ADGRL2: variants seen among roughly 807,000 people sequenced by gnomAD.
The protein encoded by ADGRL2 is adhesion G protein-coupled receptor L2.
A neutral mutation model predicts 157.4 loss-of-function variants in ADGRL2; 44 were observed. That is an observed-to-expected ratio of 0.28 (90% CI 0.22 to 0.36). The LOEUF (loss-of-function observed/expected upper bound fraction) is 0.36. ADGRL2 is among the 10% of genes least tolerant of loss of function. The probability of loss-of-function intolerance (pLI) is 1.00; values close to 1 mark genes in which losing one functional copy is unlikely to be tolerated. For synonymous variants in ADGRL2, 585 were observed against 624.7 expected (o/e 0.94, Z 0.95); for missense variants, 1,510 against 1,768.9 (o/e 0.85, Z 2.63).
chr1:81,896,609 C>A (rs1414119831), intron 2 of ADGRL2, among the ~76,000 whole-genome samples: 2 of 151,996 alleles, frequency 1.3e-5, no homozygotes, highest in Non-Finnish European at 2.9e-5. Context: ...CTTTTTGTTT[C>A]TTTTCCTCTT....
At chr1:81,980,370 A>G (rs982597721) in intron 18 of ADGRL2, among the ~76,000 whole-genome samples, 2 of 151,748 alleles carry the variant, frequency 1.3e-5, no homozygotes, top group Non-Finnish European at 3.0e-5. Context: ...CTCTATTACT[A>G]TTGTTAACTT....
rs61443163 is a variant in ADGRL2, at chr1:81,486,459, A to G, written c.-248+41370A>G. On this transcript the variant is annotated intron_variant, in intron 2 of 24. Coordinates refer to the ADGRL2 transcript ENST00000370721. ...TCTTTGTACTAACTACTTTGGGAAA[A>G]AAATATACACATACTGAGATTTTAA... Among the ~76,000 whole-genome samples, 342 of 152,322 alleles carry G rather than the reference A, an allele frequency of 2.2e-3. 1 individual carries two copies. The highest frequency in any genetic ancestry group is 8.0e-3 in the African/African-American group (333 of 41,580).
intron 1 of ADGRL2, among the ~76,000 whole-genome samples, chr1:81,836,530 T>C (rs2092290919): frequency 6.6e-6 from 1 of 152,112 alleles, no homozygotes; most frequent in Non-Finnish European, 1.5e-5. Context: ...TTTTGTACAC[T>C]CTGCAGTTTG....
chr1:81,873,573 G>C (rs1382318920), intron 2 of ADGRL2, among the ~76,000 whole-genome samples: 1 of 152,046 alleles, frequency 6.6e-6, no homozygotes, highest in African/African-American at 2.4e-5. Context: ...ACCCAGCTAA[G>C]GTAATCAGAA....
intron 3 of ADGRL2, among the ~76,000 whole-genome samples, chr1:81,661,873 C>T (rs1052610497): frequency 2.0e-5 from 3 of 152,110 alleles, no homozygotes; most frequent in African/African-American, 7.2e-5. Flanking sequence ...TGCTGCACCC[C>T]CATCCCCACT....
At chr1:81,653,096 G>T (rs1217531586) in intron 3 of ADGRL2, among the ~76,000 whole-genome samples, 1 of 152,028 alleles carries the variant, frequency 6.6e-6, no homozygotes, top group Non-Finnish European at 1.5e-5. Flanking sequence ...TGCTTATTCA[G>T]ATACAATGTC....
chr1:81,376,776 A>G (rs2076258238), intron 1 of ADGRL2, among the ~76,000 whole-genome samples: 2 of 152,146 alleles, frequency 1.3e-5, no homozygotes. Flanking sequence ...ATTGAGACAC[A>G]ACCAGATTGA....
chr1:81,426,049 A>G (rs2077209028), intron 1 of ADGRL2, among the ~76,000 whole-genome samples: 1 of 152,204 alleles, frequency 6.6e-6, no homozygotes, highest in Non-Finnish European at 1.5e-5. Flanking sequence ...TTATTTGACC[A>G]AAGTTTCATG....
chr1:81,637,687 G>A (rs1442454284), intron 3 of ADGRL2, among the ~76,000 whole-genome samples: 4 of 152,044 alleles, frequency 2.6e-5, no homozygotes, highest in Non-Finnish European at 5.9e-5. Context: ...CAATTGCGTG[G>A]AATTTTGAAG....
At chr1:81,700,438 A>AT (rs1222333989) in intron 1 of ADGRL2, among the ~76,000 whole-genome samples, 11 of 152,210 alleles carry the variant, frequency 7.2e-5, no homozygotes, top group Non-Finnish European at 1.3e-4. Context: ...AATCTCCCTG[A>AT]TTTTGAATTA....
intron 2 of ADGRL2, among the ~76,000 whole-genome samples, chr1:81,452,980 G>A (rs989084911): frequency 5.3e-5 from 8 of 152,162 alleles, no homozygotes; most frequent in East Asian, 3.9e-4. Flanking sequence ...TTGCCAGCAA[G>A]AGGTCTGTGT....
At chr1:81,552,605 GAA>G (rs35795177) in intron 2 of ADGRL2, among the ~76,000 whole-genome samples, 2,520 of 103,966 alleles carry the variant, frequency 0.024, 16 homozygotes, top group African/African-American at 0.057. Context: ...ACTTTACTTA[GAA>G]AAAAAAAAAA....
At chr1:81,368,601 G>C (rs1319428460) in intron 1 of ADGRL2, among the ~76,000 whole-genome samples, 1 of 152,140 alleles carries the variant, frequency 6.6e-6, no homozygotes, top group East Asian at 1.9e-4. Flanking sequence ...CCACGTATGA[G>C]ATAAAGCCAA....
chr1:81,834,837 A>G (rs2092182056), intron 1 of ADGRL2, among the ~76,000 whole-genome samples: 1 of 152,118 alleles, frequency 6.6e-6, no homozygotes, highest in African/African-American at 2.4e-5. Flanking sequence ...ATTGAATGAT[A>G]TGTATTTTTA....
intron 1 of ADGRL2, among the ~76,000 whole-genome samples, chr1:81,723,480 T>A (rs1231656143): frequency 2.0e-5 from 3 of 152,218 alleles, no homozygotes; most frequent in Non-Finnish European, 4.4e-5. Context: ...TCATTTTGGA[T>A]TTTTTTCCTT....
intron 1 of ADGRL2, among the ~76,000 whole-genome samples, chr1:81,811,941 C>T (rs574178188): frequency 9.3e-5 from 14 of 151,196 alleles, no homozygotes; most frequent in Admixed American, 7.9e-4. Context: ...TTTCTTTTTC[C>T]TTGAAATACA....
At chr1:81,809,632 A>G (rs2089607263) in intron 1 of ADGRL2, among the ~76,000 whole-genome samples, 1 of 151,978 alleles carries the variant, frequency 6.6e-6, no homozygotes, top group Non-Finnish European at 1.5e-5. Flanking sequence ...TGAGGTTCCT[A>G]ATAAAAATGG....
chr1:81,673,208 C>G (rs1173893802), intron 3 of ADGRL2, among the ~76,000 whole-genome samples: 1 of 152,102 alleles, frequency 6.6e-6, no homozygotes, highest in African/African-American at 2.4e-5. Context: ...TGAAATGTAT[C>G]TGTTTTGTTT....
chr1:81,594,096 T>C (rs1048100826), intron 3 of ADGRL2, among the ~76,000 whole-genome samples: 4 of 152,236 alleles, frequency 2.6e-5, no homozygotes, highest in Non-Finnish European at 5.9e-5. Flanking sequence ...ATAAATATAC[T>C]TTTGAATCTA....
Sources: allele counts gnomAD v4.1 joint callset (sites outside exome capture counted in the v4.1 genomes callset), GRCh38; gene constraint gnomAD v4.1.1; transcripts MANE v1.5; gene names NCBI Gene and HGNC (gene_info 2026-07-23, HGNC 2026-07-21).